Variants in CD99L2 observed in about 807,000 individuals in gnomAD.
CD99L2 encodes the protein CD99 molecule like 2.
A neutral mutation model predicts 27.3 loss-of-function variants in CD99L2; 24 were observed. That is an observed-to-expected ratio of 0.88 (90% confidence interval 0.64 to 1.24). The LOEUF is 1.24. Among genes scored for constraint, CD99L2 ranks in the 50% most tolerant of loss-of-function variants. The pLI is 0.00. For synonymous variants in CD99L2, 97 were observed against 87.9 expected, an observed-to-expected ratio of 1.10 and a Z score of -0.58; for missense variants, 255 against 221.6, an observed-to-expected ratio of 1.15 and a Z score of -0.96.
intron 1 of CD99L2, among the ~76,000 whole-genome samples, chrX:150,877,343 A>G (rs1259001602): frequency 9.0e-6 from 1 of 111,665 alleles, no homozygotes; most frequent in African/African-American, 3.3e-5. Flanking sequence ...ATAAAAATAC[A>G]TATCACAAAC....
At chrX:150,770,580 C>T (rs1297489326) in intron 9 of CD99L2, among the ~76,000 whole-genome samples, 1 of 112,618 alleles carries the variant, frequency 8.9e-6, no homozygotes, top group Non-Finnish European at 1.9e-5. Context: ...TTCTCATCAT[C>T]GTCCTCAGAA....
chrX:150,782,813 A>G (rs2045533928), intron 7 of CD99L2, among the ~76,000 whole-genome samples: 1 of 111,251 alleles, frequency 9.0e-6, no homozygotes, highest in South Asian at 3.8e-4. Context: ...CTACCCTCCA[A>G]ATAACATCCT....
intron 1 of CD99L2, among the ~76,000 whole-genome samples, chrX:150,861,916 AAAG>A (rs1468884029): frequency 8.3e-5 from 8 of 96,541 alleles, no homozygotes; most frequent in Non-Finnish European, 1.5e-4. Context: ...AAAAAAAAAA[AAAG>A]AGAGAGAGAG....
chrX:150,769,099 T>C lies in CD99L2; in HGVS notation c.724A>G (p.Lys242Glu), dbSNP rs1557418852. ...GACTGCGTGTGCAACGTGGAGTATT[T>C]CACTAGGGGAAAAAGAGGCCGTCAG... is the stretch of plus-strand genomic sequence containing the variant. ...EAVVCEEPQV[K>E]YSTLHTQSAE... Residue 242 changes from lysine to glutamate, a missense_variant and splice_region_variant, in exon 11 of 11, where the codon AAA becomes GAA. Physicochemically the swap from Lys to Glu is moderately conservative, Grantham distance 56. Coordinates refer to ENST00000370377, the MANE Select transcript of CD99L2 (RefSeq NM_031462.4). 8.6e-7 allele frequency: 1 copy of C among 1,162,884 alleles called. No homozygotes were observed. Among genetic ancestry groups the C allele is most frequent in the South Asian group, 2.0e-5 (1 of 49,587 alleles).
intron 1 of CD99L2, among the ~76,000 whole-genome samples, chrX:150,883,265 G>A (rs782114633): frequency 1.8e-5 from 2 of 112,104 alleles, no homozygotes; most frequent in East Asian, 5.6e-4. Context: ...AAAATCCAGG[G>A]AGGTAGGAGT....
chrX:150,819,444 C>G (rs1246266790), intron 2 of CD99L2, among the ~76,000 whole-genome samples: 3 of 111,163 alleles, frequency 2.7e-5, no homozygotes, highest in African/African-American at 9.8e-5. Context: ...ATAAAACCTA[C>G]ATAACAATTT....
chrX:150,892,139 T>C (rs1569566178), intron 1 of CD99L2, among the ~76,000 whole-genome samples: 1 of 110,226 alleles, frequency 9.1e-6, no homozygotes, highest in Non-Finnish European at 1.9e-5. Flanking sequence ...GAGAATTGCT[T>C]GAACCCAGGA....
intron 1 of CD99L2, among the ~76,000 whole-genome samples, chrX:150,892,919 T>C (rs1428064215): frequency 9.0e-6 from 1 of 111,510 alleles, no homozygotes; most frequent in Non-Finnish European, 1.9e-5. Flanking sequence ...GTCAGGAGTT[T>C]GAGACCAGCC....
chrX:150,782,214 G>T (rs554231798), intron 7 of CD99L2, among the ~76,000 whole-genome samples: 3 of 112,315 alleles, frequency 2.7e-5, no homozygotes, highest in African/African-American at 9.7e-5. Context: ...TAAAAAAATG[G>T]CCAAAGTGCA....
In CD99L2 at chrX:150,779,404, T is replaced by C. The variant is rs1449247461; in HGVS notation, c.497-1922A>G. 3.2e-4 allele frequency among the ~76,000 whole-genome samples: 36 copies of C among 112,463 alleles called. No homozygotes were observed. In the Admixed American group the frequency reaches 3.4e-3, roughly 11 times the overall value. ...GTGATCCCATCCTGTGGGCAAGTCT[T>C]CTCAGATGGGCATGTGAACTGAAAC... On this transcript the variant is annotated intron_variant, in intron 7 of 10. Coordinates refer to ENST00000370377, the MANE Select transcript of CD99L2 (RefSeq NM_031462.4).
In CD99L2 at chrX:150,888,452, T is replaced by C. The variant is rs151146355; in HGVS notation, c.67+10070A>G. ...TCACAAAAGGACAAATACTACCTGA[T>C]TCCGTTGCTATGAAATGTCCAGAAT... On this transcript the variant is annotated intron_variant, in intron 1 of 10. Coordinates refer to ENST00000370377, the MANE Select transcript of CD99L2 (RefSeq NM_031462.4). 5.1e-3 allele frequency among the ~76,000 whole-genome samples: 574 copies of C among 111,941 alleles called. 7 individuals carry two copies. The highest frequency in any genetic ancestry group is 0.014 in the Middle Eastern group (3 of 219).
At chrX:150,777,147 G>A (rs1431677505) in intron 8 of CD99L2, 2 of 345,079 alleles carry the variant, frequency 5.8e-6, no homozygotes, top group African/African-American at 2.7e-5. Context: ...GCAGAGGGAC[G>A]GCTCTCTCTC....
rs782091606 is a variant in CD99L2, at chrX:150,795,260, C to A, written c.376G>T (p.Asp126Tyr). Residue 126 changes from aspartate to tyrosine, a missense_variant, in exon 6 of 11, where the codon GAT (aspartate) becomes TAT (tyrosine). Coordinates refer to ENST00000370377, the MANE Select transcript of CD99L2 (RefSeq NM_031462.4). ...GNDFDLADAL[D>Y]DRNDRDDGRR... ...CCATCATCTCGATCATTTCGATCATCCAGGGCATCAGCCAAGTCAAAATCA... is the reference window on the plus strand; with the variant it reads ...CCATCATCTCGATCATTTCGATCATACAGGGCATCAGCCAAGTCAAAATCA... The A allele has an allele frequency of 2.5e-6, 3 of 1,210,242 alleles. No homozygotes were observed. In the African/African-American group the frequency reaches 5.2e-5, roughly 21 times the overall value.
chrX:150,811,757 C>G (rs782170703), intron 4 of CD99L2, among the ~76,000 whole-genome samples: 2 of 111,418 alleles, frequency 1.8e-5, no homozygotes, highest in South Asian at 7.5e-4. Flanking sequence ...ACAAATGGTC[C>G]TAGAACAATT....
chrX:150,885,921 G>A (rs2047401932), intron 1 of CD99L2, among the ~76,000 whole-genome samples: 2 of 111,845 alleles, frequency 1.8e-5, no homozygotes, highest in South Asian at 7.4e-4. Context: ...AACTAATAAG[G>A]GTGAACATAA....
intron 5 of CD99L2, 53 bp downstream of exon 5, chrX:150,795,365 G>C (rs995431678): frequency 8.3e-7 from 1 of 1,202,167 alleles, no homozygotes; most frequent in Non-Finnish European, 1.1e-6. Context: ...CTGTCTCAGA[G>C]GGAGCCCCAT....
intron 2 of CD99L2, chrX:150,819,003 T>C (rs782231179): frequency 4.4e-5 from 14 of 317,621 alleles, no homozygotes; most frequent in South Asian, 3.8e-4. Flanking sequence ...AGAAACTTGA[T>C]GATGAGAACT....
intron 4 of CD99L2, among the ~76,000 whole-genome samples, chrX:150,798,887 A>T (rs1451338645): frequency 1.8e-5 from 2 of 111,813 alleles, no homozygotes; most frequent in African/African-American, 6.5e-5. Flanking sequence ...AGTAGCTGGG[A>T]CTACAGGCGT....
intron 1 of CD99L2, among the ~76,000 whole-genome samples, chrX:150,875,427 C>T (rs986939782): frequency 1.2e-4 from 13 of 111,945 alleles, no homozygotes; most frequent in Non-Finnish European, 2.4e-4. Context: ...AGTCATGTAA[C>T]CACCACCATA....
Sources: allele counts gnomAD v4.1 joint callset (sites outside exome capture counted in the v4.1 genomes callset), GRCh38; gene constraint gnomAD v4.1.1; transcripts MANE v1.5; gene names NCBI Gene and HGNC (gene_info 2026-07-23, HGNC 2026-07-21).